EYS: variants seen among roughly 807,000 people sequenced by gnomAD.
EYS encodes the protein EGF-like photoreceptor maintenance factor, also known as protein eyes shut homolog.
A neutral mutation model predicts 282.1 loss-of-function variants in EYS; 250 were observed. The observed-to-expected ratio is 0.89, with a 90% CI of 0.80 to 0.98. EYS has a LOEUF of 0.98. Among genes scored for constraint, EYS ranks in the 50% least tolerant of loss-of-function variants. EYS has a pLI of 0.00. For missense variants in EYS, 4,016 were observed against 3,709.0 expected, an observed-to-expected ratio of 1.08 and a Z score of -2.15; for synonymous variants, 1,355 against 1,282.9, an observed-to-expected ratio of 1.06 and a Z score of -1.20.
At chr6:65,689,905 T>C (rs1475241264) in intron 1 of EYS, among the ~76,000 whole-genome samples, 1 of 149,404 alleles carries the variant, frequency 6.7e-6, no homozygotes, top group Non-Finnish European at 1.5e-5. Flanking sequence ...ACACACAAGA[T>C]AGTGAAAGCT....
intron 4 of EYS, among the ~76,000 whole-genome samples, chr6:65,494,286 T>C (rs962122871): frequency 2.6e-5 from 4 of 151,652 alleles, no homozygotes; most frequent in South Asian, 2.1e-4. Flanking sequence ...TTTTTATTTT[T>C]ATCTTTTTTG....
intron 26 of EYS, among the ~76,000 whole-genome samples, chr6:64,544,439 T>G (rs930485918): frequency 6.6e-6 from 1 of 152,122 alleles, no homozygotes. Context: ...GGAAACCATC[T>G]AGCACTCCTA....
intron 19 of EYS, among the ~76,000 whole-genome samples, chr6:64,844,961 A>G (rs1043408275): frequency 2.6e-5 from 4 of 152,148 alleles, no homozygotes; most frequent in Admixed American, 2.0e-4. Context: ...TACCCTATGC[A>G]ACTCAGCATT....
chr6:65,433,863 G>A (rs1235915887), intron 5 of EYS, among the ~76,000 whole-genome samples: 1 of 152,082 alleles, frequency 6.6e-6, no homozygotes, highest in African/African-American at 2.4e-5. Context: ...AAATTAACAA[G>A]TTGAAATGCC....
chr6:65,380,291 C>T (rs767163969), intron 8 of EYS, among the ~76,000 whole-genome samples: 2 of 151,860 alleles, frequency 1.3e-5, no homozygotes, highest in African/African-American at 2.4e-5. Flanking sequence ...CAATGGAACA[C>T]AACAAAGGAT....
intron 2 of EYS, among the ~76,000 whole-genome samples, chr6:65,636,998 T>C (rs1767111016): frequency 6.6e-6 from 1 of 152,082 alleles, no homozygotes; most frequent in Non-Finnish European, 1.5e-5. Flanking sequence ...TTAAAAAATT[T>C]TGTAGCGATG....
chr6:63,806,464 A>G, intron 36 of EYS, 92 bp from the exon 37 acceptor site: 1 of 1,095,256 alleles, frequency 9.1e-7, no homozygotes, highest in Non-Finnish European at 1.3e-6. Flanking sequence ...CTGGCCAGAT[A>G]GTCTGTTTAC....
intron 9 of EYS, among the ~76,000 whole-genome samples, chr6:65,350,279 T>G (rs1185974405): frequency 6.6e-6 from 1 of 151,530 alleles, no homozygotes; most frequent in African/African-American, 2.4e-5. Context: ...AAAGATTGCT[T>G]TGTTGATACA....
chr6:65,052,567 G>T (rs1773302272), intron 13 of EYS, among the ~76,000 whole-genome samples: 1 of 151,462 alleles, frequency 6.6e-6, no homozygotes, highest in Non-Finnish European at 1.5e-5. Context: ...GAAAATTGTG[G>T]TATCCGAACA....
At chr6:65,627,031 T>C (rs73742028) in intron 2 of EYS, among the ~76,000 whole-genome samples, 4 of 146,356 alleles carry the variant, frequency 2.7e-5, no homozygotes, top group African/African-American at 7.9e-5. Context: ...TTCTTTCTCT[T>C]TCTTTCTCTC....
At chr6:64,842,743 G>C (rs113995185) in intron 19 of EYS, among the ~76,000 whole-genome samples, 6,194 of 152,080 alleles carry the variant, frequency 0.041, 163 homozygotes, top group East Asian at 0.1. Flanking sequence ...GAACTTGAGA[G>C]AGATGATTAA....
At chr6:64,583,077 C>A (rs1241026012) in intron 26 of EYS, among the ~76,000 whole-genome samples, 2 of 152,086 alleles carry the variant, frequency 1.3e-5, no homozygotes, top group Non-Finnish European at 2.9e-5. Flanking sequence ...GTCTTCCATG[C>A]AAATACTTCC....
At chr6:65,585,695 G>C (rs984305381) in intron 2 of EYS, among the ~76,000 whole-genome samples, 4 of 151,890 alleles carry the variant, frequency 2.6e-5, no homozygotes, top group African/African-American at 7.2e-5. Context: ...TCTGGCATAT[G>C]AGACTACATT....
chr6:65,027,474 T>C lies in EYS; in HGVS notation c.2138-29771A>G, dbSNP rs530559651. On this transcript the variant is annotated intron_variant, in intron 13 of 42. Coordinates refer to ENST00000503581, the MANE Select transcript of EYS (RefSeq NM_001142800.2). Reference sequence around the variant, plus strand: ...AGTTATTACTTAGGGTAGAGCTCTATTGATTTTGACAAACATGTGTACCAT... The same window carrying C: ...AGTTATTACTTAGGGTAGAGCTCTACTGATTTTGACAAACATGTGTACCAT... Among the ~76,000 whole-genome samples, 5 of 152,322 alleles carry C rather than the reference T, an allele frequency of 3.3e-5. 1 individual carries two copies. The highest frequency in any genetic ancestry group is 4.4e-5 in the Non-Finnish European group (3 of 68,016).
chr6:65,554,697 T>C (rs1426673385), intron 2 of EYS, among the ~76,000 whole-genome samples: 2 of 152,148 alleles, frequency 1.3e-5, no homozygotes, highest in South Asian at 2.1e-4. Context: ...AGTCCTCAGT[T>C]AAAAATAGCA....
intron 29 of EYS, among the ~76,000 whole-genome samples, chr6:64,358,228 C>CT (rs1395272302): frequency 6.6e-6 from 1 of 151,586 alleles, no homozygotes; most frequent in Non-Finnish European, 1.5e-5. Context: ...GTGCTTGCAG[C>CT]TTGATAGAGA....
intron 12 of EYS, among the ~76,000 whole-genome samples, chr6:65,179,016 G>C (rs888915336): frequency 1.3e-5 from 2 of 152,042 alleles, no homozygotes; most frequent in South Asian, 4.1e-4. Flanking sequence ...AAACCAATGA[G>C]AACAAAGACA....
At chr6:64,080,271 T>A (rs566678725) in intron 32 of EYS, among the ~76,000 whole-genome samples, 1 of 152,346 alleles carries the variant, frequency 6.6e-6, no homozygotes, top group African/African-American at 2.4e-5. Context: ...TGAGATGGTA[T>A]CTCATTGTGG....
At chr6:65,415,999 G>A (rs9445544) in intron 5 of EYS, among the ~76,000 whole-genome samples, 127 of 152,018 alleles carry the variant, frequency 8.4e-4, no homozygotes, top group African/African-American at 2.9e-3. Context: ...TACAACGCGA[G>A]GAGAGAGGAA....
Sources: gnomAD v4.1 joint callset for allele counts (sites outside exome capture counted in the v4.1 genomes callset) on GRCh38, gnomAD v4.1.1 for gene constraint, MANE v1.5 for transcripts, NCBI Gene and HGNC (gene_info 2026-07-23, HGNC 2026-07-21) for gene names.